The following TENM1 variants were observed in gnomAD, a reference collection of about 807,000 sequenced individuals.
TENM1 encodes teneurin transmembrane protein 1, also known as teneurin-1.
A neutral mutation model predicts 174.8 loss-of-function variants in TENM1; 35 were observed. That is an observed-to-expected ratio of 0.20 (90% CI 0.15 to 0.27). The LOEUF (loss-of-function observed/expected upper bound fraction) is 0.27, where lower values mean the gene tolerates loss of function less well. Among genes scored for constraint, TENM1 ranks in the 10% least tolerant of loss-of-function variants. TENM1 has a pLI of 1.00. For synonymous variants in TENM1, 781 were observed against 798.7 expected (o/e 0.98, Z 0.37); for missense variants, 1,633 against 2,130.1 (o/e 0.77, Z 4.59).
At chrX:124,877,513 AG>A (rs751873488) in intron 3 of TENM1, among the ~76,000 whole-genome samples, 99 of 111,980 alleles carry the variant, frequency 8.8e-4, no homozygotes, top group African/African-American at 2.7e-3. Flanking sequence ...AAGGAATTTA[AG>A]ATAATTTGGG....
At chrX:124,406,639 G>T in intron 25 of TENM1, 150 bp from the exon 29 acceptor site, 1 of 405,339 alleles carries the variant, frequency 2.5e-6, no homozygotes, top group East Asian at 3.9e-5. Flanking sequence ...AAAGGTCAGA[G>T]AGATGATTAA....
At chrX:124,484,670 AT>A (rs369969864) in intron 21 of TENM1, among the ~76,000 whole-genome samples, 220 of 106,662 alleles carry the variant, frequency 2.1e-3, no homozygotes, top group African/African-American at 6.9e-3. Flanking sequence ...TCAATGAGGG[AT>A]TTTTTTTTTA....
chrX:124,993,855 C>T, the TENM1 span, among the ~76,000 whole-genome samples: 1 of 110,994 alleles, frequency 9.0e-6, no homozygotes, highest in African/African-American at 3.3e-5. Flanking sequence ...CACAAATACA[C>T]ACACACAGCA....
At chrX:124,700,613 G>T (rs1017144633) in intron 5 of TENM1, among the ~76,000 whole-genome samples, 3 of 111,127 alleles carry the variant, frequency 2.7e-5, no homozygotes, top group African/African-American at 9.8e-5. Context: ...GCTTTGGTAA[G>T]CATATTTATC....
At chrX:124,770,712 T>C (rs1448748504) in intron 3 of TENM1, among the ~76,000 whole-genome samples, 2 of 105,038 alleles carry the variant, frequency 1.9e-5, no homozygotes, top group Non-Finnish European at 3.9e-5. Context: ...CCCAGACCAT[T>C]TTTTTTTTTT....
At chrX:125,044,180 AGG>A in the TENM1 span, among the ~76,000 whole-genome samples, 1 of 50,606 alleles carries the variant, frequency 2.0e-5, no homozygotes, top group African/African-American at 8.6e-5. Context: ...TAATAAAAAA[AGG>A]AAAAAAAAAA....
chrX:124,479,414 G>A (rs1407791721), intron 22 of TENM1, among the ~76,000 whole-genome samples: 3 of 112,089 alleles, frequency 2.7e-5, no homozygotes, highest in Non-Finnish European at 5.6e-5. Flanking sequence ...GGCAAAGGAA[G>A]CTCTCGGATA....
exon 25 of TENM1, chrX:124,420,526 G>A: frequency 8.3e-7 from 1 of 1,212,112 alleles, no homozygotes; most frequent in Non-Finnish European, 1.1e-6. Flanking sequence ...AATTGCCATT[G>A]CTGCTGGTAA....
intron 8 of TENM1, among the ~76,000 whole-genome samples, chrX:124,647,991 AGAGT>A (rs1265598962): frequency 3.6e-5 from 4 of 111,755 alleles, no homozygotes; most frequent in Non-Finnish European, 7.5e-5. Context: ...CTGAACAATA[AGAGT>A]GAGAATTTAT....
chrX:124,674,303 CAAA>C (rs745969451), intron 5 of TENM1, among the ~76,000 whole-genome samples: 226 of 16,599 alleles, frequency 0.014, 3 homozygotes, highest in Admixed American at 0.12. Context: ...TATCAAAAGG[CAAA>C]AAAAAAAAAA....
At chrX:125,088,788 T>A in the TENM1 span, among the ~76,000 whole-genome samples, 4 of 110,884 alleles carry the variant, frequency 3.6e-5, no homozygotes, top group Non-Finnish European at 7.6e-5. Flanking sequence ...AATCCCAGAC[T>A]TCACTACTAT....
At chrX:124,815,598 T>C (rs1347996200) in intron 3 of TENM1, among the ~76,000 whole-genome samples, 1 of 111,810 alleles carries the variant, frequency 8.9e-6, no homozygotes, top group Non-Finnish European at 1.9e-5. Flanking sequence ...TCTATTTTTT[T>C]CTTTAAAATA....
the TENM1 span, among the ~76,000 whole-genome samples, chrX:125,072,825 A>G: frequency 2.7e-5 from 3 of 111,940 alleles, no homozygotes; most frequent in Admixed American, 9.5e-5. Flanking sequence ...TTATGCTCTT[A>G]CGCTACATTC....
At chrX:124,756,566 C>T (rs1179417568) in intron 3 of TENM1, among the ~76,000 whole-genome samples, 7 of 111,654 alleles carry the variant, frequency 6.3e-5, no homozygotes, top group Admixed American at 2.8e-4. Context: ...GAGAGGCGCT[C>T]TGCTTTTTAG....
intron 3 of TENM1, among the ~76,000 whole-genome samples, chrX:124,815,443 T>A (rs777324906): frequency 1.8e-5 from 2 of 111,006 alleles, no homozygotes; most frequent in Non-Finnish European, 3.8e-5. Flanking sequence ...AACTAGGGAG[T>A]TTTTTTCCAA....
chrX:124,978,059 C>T, the TENM1 span, among the ~76,000 whole-genome samples: 1 of 101,287 alleles, frequency 9.9e-6, no homozygotes, highest in South Asian at 4.9e-4. Flanking sequence ...TGGATAATAT[C>T]TACAGATCAA....
In TENM1 at chrX:124,377,895, A is replaced by G. The variant is rs746956136; in HGVS notation, c.*2641T>C. 3.9e-3 allele frequency: 440 copies of G among 112,294 alleles called. 1 individual carries two copies. Among genetic ancestry groups the G allele is most frequent in the African/African-American group, 0.013 (410 of 30,916 alleles). 9.3% of individuals were successfully genotyped at this position (112,294 alleles called of 1,213,427 possible). A position where few individuals can be genotyped will look rare whatever the true frequency, so the allele number is the denominator to read the frequency against. On this transcript the variant is annotated 3_prime_UTR_variant, in exon 32 of 32. Transcript: ENST00000422452. Reference sequence around the variant, plus strand: ...GCAAGTCAATGAAGGCATTCTTTCTATTCAGCTGAATAGGAAGTGATATAC... The same window carrying G: ...GCAAGTCAATGAAGGCATTCTTTCTGTTCAGCTGAATAGGAAGTGATATAC...
At chrX:124,816,582 T>C (rs2055900363) in intron 3 of TENM1, among the ~76,000 whole-genome samples, 2 of 111,663 alleles carry the variant, frequency 1.8e-5, no homozygotes, top group South Asian at 3.7e-4. Context: ...ATCCACAGCT[T>C]AAACAGAACA....
At chrX:125,101,963 G>T in the TENM1 span, among the ~76,000 whole-genome samples, 1 of 111,922 alleles carries the variant, frequency 8.9e-6, no homozygotes, top group South Asian at 3.7e-4. Context: ...AACTTACAAT[G>T]TTGTAGGTAA....
Sources: allele counts gnomAD v4.1 joint callset (sites outside exome capture counted in the v4.1 genomes callset), GRCh38; gene constraint gnomAD v4.1.1; transcripts MANE v1.5; gene names NCBI Gene and HGNC (gene_info 2026-07-23, HGNC 2026-07-21).